Variants in SPOCK1 observed in about 807,000 individuals in gnomAD.
SPOCK1 encodes the protein SPARC (osteonectin), cwcv and kazal like domains proteoglycan 1, also known as testican-1.
SPOCK1 carries 23 observed loss-of-function variants against 55.3 expected under a neutral mutation model. The ratio of observed to expected loss-of-function variants is 0.42; its 90% CI spans 0.30 to 0.59. The LOEUF (loss-of-function observed/expected upper bound fraction) is 0.59, where lower values mean the gene tolerates loss of function less well. Ranked by LOEUF, SPOCK1 falls within the 20% of genes least tolerant of loss-of-function variation. The pLI, the probability that SPOCK1 is intolerant of heterozygous loss-of-function variation, is 0.22. For synonymous variants in SPOCK1, 226 were observed against 221.0 expected (o/e 1.02, Z -0.20); for missense variants, 499 against 552.5 (o/e 0.90, Z 0.97).
chr5:137,094,892 T>G (rs11948133), intron 5 of SPOCK1, among the ~76,000 whole-genome samples: 37,993 of 152,204 alleles, frequency 0.25, 5,316 homozygotes, highest in Non-Finnish European at 0.32. Context: ...CAATATGCCT[T>G]TGTCGCTAAG....
At chr5:137,357,437 G>T (rs982719294) in intron 2 of SPOCK1, among the ~76,000 whole-genome samples, 2 of 152,130 alleles carry the variant, frequency 1.3e-5, no homozygotes, top group Non-Finnish European at 2.9e-5. Flanking sequence ...TGGGGGATGT[G>T]GGAATGAGAA....
intron 6 of SPOCK1, among the ~76,000 whole-genome samples, chr5:137,006,261 T>C (rs62387876): frequency 0.29 from 44,030 of 152,114 alleles, 6,382 homozygotes; most frequent in South Asian, 0.31. Context: ...GATAGCTTGA[T>C]GGGAATAGCA....
intron 5 of SPOCK1, among the ~76,000 whole-genome samples, chr5:137,102,271 A>G (rs1003449120): frequency 6.6e-6 from 1 of 152,204 alleles, no homozygotes; most frequent in Non-Finnish European, 1.5e-5. Flanking sequence ...AGGGAAGGGC[A>G]CATGATTCAA....
chr5:136,996,953 G>T (rs1751053886), intron 6 of SPOCK1, among the ~76,000 whole-genome samples: 1 of 152,044 alleles, frequency 6.6e-6, no homozygotes, highest in African/African-American at 2.4e-5. Context: ...TTACTCTTTG[G>T]GTCTGTGCCA....
chr5:136,989,645 T>C (rs1750910536), intron 7 of SPOCK1, among the ~76,000 whole-genome samples: 1 of 152,156 alleles, frequency 6.6e-6, no homozygotes, highest in Non-Finnish European at 1.5e-5. Flanking sequence ...CATACAATTG[T>C]AGAATGGAGA....
intron 2 of SPOCK1, among the ~76,000 whole-genome samples, chr5:137,383,287 G>A (rs562969096): frequency 1.0e-3 from 152 of 152,234 alleles, no homozygotes; most frequent in Middle Eastern, 3.4e-3. Context: ...ACTTGGCAGG[G>A]CTCAACAAAT....
intron 2 of SPOCK1, among the ~76,000 whole-genome samples, chr5:137,432,604 G>T (rs1044653977): frequency 6.6e-6 from 1 of 152,088 alleles, no homozygotes; most frequent in South Asian, 2.1e-4. Flanking sequence ...GTTGCCTGGG[G>T]CTGGGAGAAA....
intron 3 of SPOCK1, among the ~76,000 whole-genome samples, chr5:137,141,091 A>G (rs1450895735): frequency 6.6e-6 from 1 of 152,194 alleles, no homozygotes; most frequent in Non-Finnish European, 1.5e-5. Flanking sequence ...ATAAACAGAT[A>G]GGAAGTAAAC....
At chr5:137,262,674 C>T (rs1469658137) in intron 3 of SPOCK1, among the ~76,000 whole-genome samples, 2 of 152,200 alleles carry the variant, frequency 1.3e-5, no homozygotes, top group Non-Finnish European at 2.9e-5. Context: ...CTCTTCAGCT[C>T]CAATAATGGG....
Position 137,330,122 on chromosome 5 carries a change from G to A in SPOCK1, c.187-63067C>T, listed in dbSNP as rs566180736. On this transcript the variant is annotated intron_variant, in intron 2 of 10. Coordinates refer to ENST00000394945, the MANE Select transcript of SPOCK1 (RefSeq NM_004598.4). Reference sequence around the variant, plus strand: ...ATCATGACGAGCTGCCCAAAGCACAGGAGCTAAGGGATGACCTATGGGCCC... The same window carrying A: ...ATCATGACGAGCTGCCCAAAGCACAAGAGCTAAGGGATGACCTATGGGCCC... 1.6e-4 allele frequency among the ~76,000 whole-genome samples: 25 copies of A among 152,240 alleles called. No homozygotes were observed. The South Asian group carries it at 3.5e-3, about 21-fold the overall frequency.
At chr5:137,156,985 T>G (rs1238229299) in intron 3 of SPOCK1, among the ~76,000 whole-genome samples, 1 of 151,988 alleles carries the variant, frequency 6.6e-6, no homozygotes, top group East Asian at 1.9e-4. Flanking sequence ...TATCATAAAT[T>G]TTTAGGTTAT....
At chr5:137,418,918 G>A (rs1258289674) in intron 2 of SPOCK1, among the ~76,000 whole-genome samples, 1 of 152,166 alleles carries the variant, frequency 6.6e-6, no homozygotes, top group African/African-American at 2.4e-5. Flanking sequence ...TTCTTCTAGG[G>A]TTTTTATGGT....
chr5:137,173,958 T>C (rs1754804335), intron 3 of SPOCK1, among the ~76,000 whole-genome samples: 1 of 152,342 alleles, frequency 6.6e-6, no homozygotes, highest in Middle Eastern at 3.4e-3. Flanking sequence ...ATAAAAGGGA[T>C]AGAGGTCCAG....
chr5:137,102,389 G>A (rs1449180078), intron 5 of SPOCK1, among the ~76,000 whole-genome samples: 1 of 152,120 alleles, frequency 6.6e-6, no homozygotes, highest in Admixed American at 6.5e-5. Context: ...CCTATTCTCT[G>A]CTGAGGGAAG....
At chr5:137,425,053 G>T (rs146811766) in intron 2 of SPOCK1, among the ~76,000 whole-genome samples, 1 of 151,990 alleles carries the variant, frequency 6.6e-6, no homozygotes, top group African/African-American at 2.4e-5. Flanking sequence ...TTTACCAAAG[G>T]GTTTGTCTAC....
At chr5:137,415,610 C>A (rs773666219) in intron 2 of SPOCK1, among the ~76,000 whole-genome samples, 1 of 152,154 alleles carries the variant, frequency 6.6e-6, no homozygotes, top group African/African-American at 2.4e-5. Context: ...ATTCCAGAAG[C>A]GTGATTCCAA....
Position 137,203,557 on chromosome 5 carries a change from T to C in SPOCK1, c.233-62863A>G, listed in dbSNP as rs781271418. On this transcript the variant is annotated intron_variant, in intron 3 of 10. Transcript: ENST00000394945. ...TGTTCACTATATGATTTCCTTATCA[T>C]TACTGCTATTTACACTTTTTTTCTT... Among the ~76,000 whole-genome samples the C allele has an allele frequency of 3.3e-5, 5 of 152,284 alleles. No individual in the cohort carries two copies. The East Asian group carries it at 9.7e-4, about 29-fold the overall frequency.
At chr5:137,374,979 A>C (rs1263490460) in intron 2 of SPOCK1, among the ~76,000 whole-genome samples, 1 of 152,152 alleles carries the variant, frequency 6.6e-6, no homozygotes, top group African/African-American at 2.4e-5. Context: ...TGGGGGCTCC[A>C]AGCCACTCTC....
chr5:137,171,184 A>G (rs1213024866), intron 3 of SPOCK1, among the ~76,000 whole-genome samples: 1 of 152,096 alleles, frequency 6.6e-6, no homozygotes, highest in Non-Finnish European at 1.5e-5. Context: ...GTGTCCTGAC[A>G]ATCTGCTCTT....
Sources: allele counts gnomAD v4.1 joint callset (sites outside exome capture counted in the v4.1 genomes callset), GRCh38; gene constraint gnomAD v4.1.1; transcripts MANE v1.5; gene names NCBI Gene and HGNC (gene_info 2026-07-23, HGNC 2026-07-21).